EGFLAM: variants seen among roughly 807,000 people sequenced by gnomAD.
The protein encoded by EGFLAM is EGF like, fibronectin type III and laminin G domains.
EGFLAM carries 79 observed loss-of-function variants against 113.1 expected under a neutral mutation model. The observed-to-expected ratio is 0.70, with a 90% CI of 0.58 to 0.84. The LOEUF (loss-of-function observed/expected upper bound fraction) is 0.84, where lower values mean the gene tolerates loss of function less well. Among genes scored for constraint, EGFLAM ranks in the 40% least tolerant of loss-of-function variants. The pLI is 0.00. For synonymous variants in EGFLAM, 504 were observed against 487.6 expected (o/e 1.03, Z -0.44); for missense variants, 1,265 against 1,291.6 (o/e 0.98, Z 0.32).
chr5:38,383,225 T>C (rs1004538676), intron 6 of EGFLAM, among the ~76,000 whole-genome samples: 1 of 152,226 alleles, frequency 6.6e-6, no homozygotes, highest in Non-Finnish European at 1.5e-5. Context: ...AAAACAGATA[T>C]TTCTTCAGCG....
chr5:38,443,448 G>A (rs967154119), intron 17 of EGFLAM, among the ~76,000 whole-genome samples: 1 of 152,134 alleles, frequency 6.6e-6, no homozygotes, highest in Admixed American at 6.5e-5. Flanking sequence ...GGGGTGTTTA[G>A]TATAGATGTT....
chr5:38,324,388 A>C (rs1396193450), intron 1 of EGFLAM, among the ~76,000 whole-genome samples: 1 of 152,080 alleles, frequency 6.6e-6, no homozygotes, highest in Admixed American at 6.6e-5. Context: ...CCCCCTCCAC[A>C]CATACCCCAA....
rs202235599 is a variant in EGFLAM at position 38,463,979 on chromosome 5, C to A, written c.3023C>A (p.Ala1008Asp). Residue 1008 changes from alanine (A) to aspartate (D), a missense_variant, in exon 22 of 22, where the codon GCC (alanine) becomes GAC (aspartate). Transcript: ENST00000322350. ...GGGAAAAACATCAACACTTGTGGAG[C>A]CAAGTAACACCAGCTGGCCTTGTCC... Reference protein sequence around the residue: ...VDGKNINTCGAK With the variant: ...VDGKNINTCGDK 249 of 1,614,218 alleles carry A rather than the reference C, an allele frequency of 1.5e-4. 1 individual carries two copies. In the East Asian group the frequency reaches 4.2e-3, roughly 27 times the overall value.
intron 1 of EGFLAM, among the ~76,000 whole-genome samples, chr5:38,262,419 C>A (rs1427384632): frequency 6.6e-6 from 1 of 152,182 alleles, no homozygotes; most frequent in Admixed American, 6.5e-5. Context: ...TGAGCCCTAA[C>A]AAACATACAC....
intron 1 of EGFLAM, among the ~76,000 whole-genome samples, chr5:38,267,987 A>G (rs1454978379): frequency 6.6e-6 from 1 of 152,230 alleles, no homozygotes; most frequent in Non-Finnish European, 1.5e-5. Flanking sequence ...CAGCAACTCC[A>G]GAAATCAAGC....
chr5:38,288,616 T>G (rs1216299712), intron 1 of EGFLAM, among the ~76,000 whole-genome samples: 2 of 148,962 alleles, frequency 1.3e-5, no homozygotes, highest in East Asian at 3.8e-4. Flanking sequence ...AATATAGGTC[T>G]CTTACCAATT....
Position 38,384,233 on chromosome 5 carries a change from T to C in EGFLAM, c.712+13771T>C, listed in dbSNP as rs1740597003. Among the ~76,000 whole-genome samples the C allele has an allele frequency of 2.6e-5, 4 of 151,768 alleles. No individual in the cohort carries two copies. The South Asian group carries it at 8.3e-4, about 32-fold the overall frequency. On this transcript the variant is annotated intron_variant, in intron 6 of 21. Transcript: ENST00000322350. ...ATCATAGAATTTTGAAACTGGCGAG[T>C]CATTGAAGAACCTAGCCAGACTTCC...
At chr5:38,422,585 C>T (rs572791600) in intron 12 of EGFLAM, among the ~76,000 whole-genome samples, 5 of 152,314 alleles carry the variant, frequency 3.3e-5, no homozygotes, top group African/African-American at 1.2e-4. Context: ...AGCTCTATCA[C>T]ATATTTTTAA....
chr5:38,445,795 G>A (rs1742689516), intron 17 of EGFLAM: 2 of 1,339,910 alleles, frequency 1.5e-6, no homozygotes, highest in Non-Finnish European at 2.1e-6. Flanking sequence ...AGTGGTGTGG[G>A]AGCTGGGACA....
Position 38,341,545 on chromosome 5 carries a change from C to T in EGFLAM, c.291+2764C>T, listed in dbSNP as rs1739338259. On this transcript the variant is annotated intron_variant, in intron 3 of 21. Transcript: ENST00000322350. ...GTGGAGACATAGAGCCAAACCATAT[C>T]AACTATTATTACCAAGTTGTTTGGA... Among the ~76,000 whole-genome samples, 4 of 152,202 alleles carry T rather than the reference C, an allele frequency of 2.6e-5. 1 individual carries two copies. In the South Asian group the frequency reaches 8.3e-4, roughly 31 times the overall value.
chr5:38,262,841 A>G (rs1757534233), intron 1 of EGFLAM, among the ~76,000 whole-genome samples: 1 of 152,222 alleles, frequency 6.6e-6, no homozygotes, highest in Non-Finnish European at 1.5e-5. Flanking sequence ...CTTGATAAAC[A>G]GAAGGAGTGG....
chr5:38,279,089 A>T (rs1757957383), intron 1 of EGFLAM, among the ~76,000 whole-genome samples: 1 of 152,220 alleles, frequency 6.6e-6, no homozygotes, highest in Non-Finnish European at 1.5e-5. Context: ...GAAGACATAC[A>T]AATGGCCAAC....
intron 6 of EGFLAM, among the ~76,000 whole-genome samples, chr5:38,397,375 C>G (rs151009497): frequency 1.6e-4 from 25 of 152,288 alleles, no homozygotes; most frequent in African/African-American, 5.1e-4. Flanking sequence ...CATGCAGAAC[C>G]CAGCTACTAG....
chr5:38,444,836 T>A (rs1327140995), intron 17 of EGFLAM, among the ~76,000 whole-genome samples: 1 of 152,100 alleles, frequency 6.6e-6, no homozygotes, highest in East Asian at 1.9e-4. Context: ...TCCCAGCTAC[T>A]CAGGAGGCTG....
chr5:38,425,088 A>C lies in EGFLAM; in HGVS notation c.1806A>C (p.Glu602Asp), dbSNP rs1304614023. The change falls in exon 13 of 22, where the codon GAA becomes GAC. Residue 602 changes from glutamate to aspartate, a missense_variant. By Grantham distance (45) the Glu-to-Asp change is conservative (BLOSUM62 2). Coordinates refer to ENST00000322350, the MANE Select transcript of EGFLAM (RefSeq NM_152403.4). ...CPLGFKGRHC[E>D]DAFTLTIPQF... ...TTGGGTTTAAAGGTCGACACTGTGA[A>C]GATGGTGAGAAAGAAGCAAGTTGAA... 1.2e-6 allele frequency: 2 copies of C among 1,613,072 alleles called. No individual in the cohort carries two copies. The highest frequency in any genetic ancestry group is 8.5e-7 in the Non-Finnish European group (1 of 1,179,440).
chr5:38,324,555 G>T (rs999878089), intron 1 of EGFLAM, among the ~76,000 whole-genome samples: 1 of 152,116 alleles, frequency 6.6e-6, no homozygotes, highest in African/African-American at 2.4e-5. Flanking sequence ...GAAAGCCTCT[G>T]GTACTTCCTT....
intron 4 of EGFLAM, among the ~76,000 whole-genome samples, chr5:38,351,726 T>G (rs375566009): frequency 6.6e-6 from 1 of 152,156 alleles, no homozygotes; most frequent in East Asian, 1.9e-4. Context: ...GTATTCTGAT[T>G]GTCAGGGGCA....
chr5:38,360,980 G>A lies in EGFLAM; in HGVS notation c.545+8649G>A, dbSNP rs944738337. 3.3e-5 allele frequency among the ~76,000 whole-genome samples: 5 copies of A among 150,908 alleles called. No individual in the cohort carries two copies. The East Asian group carries it at 5.8e-4, about 18-fold the overall frequency. ...AGCAATCCTCCTACCTCAGCCTCCCGAGTAGCTAGGATTACAGGCATGTGC... is the reference window on the plus strand; with the variant it reads ...AGCAATCCTCCTACCTCAGCCTCCCAAGTAGCTAGGATTACAGGCATGTGC... On this transcript the variant is annotated intron_variant, in intron 5 of 21. Transcript: ENST00000322350.
intron 1 of EGFLAM, among the ~76,000 whole-genome samples, chr5:38,304,653 A>G (rs1174946722): frequency 1.3e-5 from 2 of 152,226 alleles, no homozygotes; most frequent in Non-Finnish European, 2.9e-5. Context: ...TCACACACAC[A>G]AAGTTTACAA....
Sources: allele counts gnomAD v4.1 joint callset (sites outside exome capture counted in the v4.1 genomes callset), GRCh38; gene constraint gnomAD v4.1.1; transcripts MANE v1.5; gene names NCBI Gene and HGNC (gene_info 2026-07-23, HGNC 2026-07-21).